Variants in CDK13 observed in about 807,000 individuals in gnomAD.
CDK13 encodes the protein cyclin dependent kinase 13.
In CDK13, 40 loss-of-function variants were observed where a neutral mutation model predicts 137.6. The observed-to-expected ratio is 0.29, with a 90% confidence interval of 0.23 to 0.38. CDK13 has a LOEUF of 0.38. CDK13 is among the 10% of genes least tolerant of loss of function. The pLI is 1.00. For synonymous variants in CDK13, 869 were observed against 760.1 expected (o/e 1.14, Z -2.36); for missense variants, 1,704 against 1,951.8 (o/e 0.87, Z 2.39).
intron 2 of CDK13, among the ~76,000 whole-genome samples, chr7:39,992,163 GGTGT>G (rs140203379): frequency 0.069 from 10,022 of 146,076 alleles, 579 homozygotes; most frequent in East Asian, 0.29. Flanking sequence ...AACTAATGAG[GGTGT>G]GTGTGTGTGT....
At chr7:39,977,519 G>A (rs1017887072) in intron 1 of CDK13, among the ~76,000 whole-genome samples, 14 of 152,308 alleles carry the variant, frequency 9.2e-5, no homozygotes, top group Middle Eastern at 3.4e-3. Flanking sequence ...GCTGACTGGC[G>A]TAATAAGAGA....
chr7:40,042,644 T>G (rs1785636476), intron 5 of CDK13, among the ~76,000 whole-genome samples: 1 of 143,772 alleles, frequency 7.0e-6, no homozygotes, highest in African/African-American at 2.9e-5. Context: ...CATCCAGCTG[T>G]TTTTTTTGTA....
At chr7:40,025,541 A>G (rs1446851231) in intron 5 of CDK13, among the ~76,000 whole-genome samples, 1 of 152,226 alleles carries the variant, frequency 6.6e-6, no homozygotes, top group Non-Finnish European at 1.5e-5. Context: ...GGTAGGATCT[A>G]TATTAATTCA....
At chr7:39,983,538 T>C (rs939423257) in intron 1 of CDK13, among the ~76,000 whole-genome samples, 2 of 152,236 alleles carry the variant, frequency 1.3e-5, no homozygotes, top group Non-Finnish European at 2.9e-5. Flanking sequence ...TTACCTATTA[T>C]CTTTGTATCT....
At chr7:40,085,650 A>G (rs1786772529) in intron 11 of CDK13, 1 of 152,588 alleles carries the variant, frequency 6.6e-6, no homozygotes, top group East Asian at 1.9e-4. Flanking sequence ...GATGCCTGAA[A>G]GCTTCCCAAT....
chr7:39,952,019 C>T (rs1325565480), intron 1 of CDK13, 167 bp downstream of exon 1: 23 of 601,856 alleles, frequency 3.8e-5, no homozygotes, highest in Non-Finnish European at 5.6e-5. Flanking sequence ...GCGCGTGACA[C>T]TTTTTTAGGG....
chr7:39,976,323 T>TCTCTCACACACACACACACACA lies in CDK13; in HGVS notation c.1212-11275_1212-11274insTCTCACACACACACACACACAC. 2.9e-3 allele frequency among the ~76,000 whole-genome samples: 116 copies of TCTCTCACACACACACACACACA among 39,526 alleles called. 2 individuals are homozygous for TCTCTCACACACACACACACACA. The highest frequency in any genetic ancestry group is 0.017 in the Middle Eastern group (1 of 60). 25.9% of individuals were successfully genotyped at this position (39,526 alleles called of 152,430 possible). On this transcript the variant is annotated intron_variant, in intron 1 of 13. Transcript: ENST00000181839. Reference sequence around the variant, plus strand: ...CTCTCTCTCTCTCTCTCTCTCTCTCTCACACACACACACACACACACACAC... The same window carrying TCTCTCACACACACACACACACA: ...CTCTCTCTCTCTCTCTCTCTCTCTCTCTCTCACACACACACACACACACACACACACACACACACACACACAC...
In CDK13 at chr7:40,094,428, C is replaced by T. The variant is rs138330468; in HGVS notation, c.3987C>T (p.Tyr1329=). ...TTGATTATCAAGCAGGAGACACTTA[C>T]GTGTCCACTTCAGACTACAAGGACA... ...GGIDYQAGDT[Y]VSTSDYKDNF... is the part of the protein sequence containing the mutation. Residue 1329 remains tyrosine (Y), a synonymous_variant, in exon 14 of 14, where the codon TAC becomes TAT. Coordinates refer to ENST00000181839, the MANE Select transcript of CDK13 (RefSeq NM_003718.5). The T allele has an allele frequency of 8.1e-6, 13 of 1,613,910 alleles. No individual in the cohort carries two copies. Among genetic ancestry groups the T allele is most frequent in the East Asian group, 4.5e-5 (2 of 44,854 alleles).
chr7:39,987,472 C>A (rs191318368), intron 1 of CDK13, 127 bp from the exon 2 acceptor site: 2 of 862,150 alleles, frequency 2.3e-6, no homozygotes, highest in Admixed American at 3.6e-5. Flanking sequence ...TTCAAAACTT[C>A]AAAAATGTAA....
At chr7:39,958,857 CT>C (rs911043136) in intron 1 of CDK13, among the ~76,000 whole-genome samples, 1 of 152,140 alleles carries the variant, frequency 6.6e-6, no homozygotes, top group African/African-American at 2.4e-5. Flanking sequence ...TTTCAGAAGG[CT>C]TTTACAAATT....
chr7:40,041,295 C>T (rs924108741), intron 5 of CDK13, among the ~76,000 whole-genome samples: 11 of 152,130 alleles, frequency 7.2e-5, no homozygotes, highest in Non-Finnish European at 1.5e-4. Flanking sequence ...CACTGCACTC[C>T]AGCCTGGGCA....
chr7:40,018,578 T>TA (rs1362148673), intron 5 of CDK13, among the ~76,000 whole-genome samples: 2 of 152,070 alleles, frequency 1.3e-5, no homozygotes, highest in Non-Finnish European at 2.9e-5. Flanking sequence ...TACTCAGCCA[T>TA]AAAAAAGAAT....
rs756220710 is a variant in CDK13 at position 40,073,594 on chromosome 7, CT to C, written c.2781-4399del. 4.1e-3 allele frequency: 555 copies of C among 134,440 alleles called. 1 individual carries two copies. Among genetic ancestry groups the C allele is most frequent in the African/African-American group, 0.01 (389 of 37,792 alleles). The allele number at this position is 134,440 out of a possible 1,614,324, so 8.3% of individuals were successfully genotyped here. On this transcript the variant is annotated intron_variant, in intron 9 of 13. Coordinates refer to ENST00000181839, the MANE Select transcript of CDK13 (RefSeq NM_003718.5). ...TCTTTCTTTTTCTTTTTCTTTCTTT[CT>C]TTTTTTTTTTTATTTGAGACAGAGC...
intron 11 of CDK13, among the ~76,000 whole-genome samples, chr7:40,079,612 C>T (rs916372370): frequency 2.6e-5 from 4 of 152,154 alleles, no homozygotes. Context: ...GAGGAGGAAG[C>T]AGGCTCAGAG....
chr7:40,049,235 GAAGGAAAGAGAGACAGAGAGAGAGA>G (rs1295877233), intron 7 of CDK13: 1 of 148,160 alleles, frequency 6.7e-6, no homozygotes, highest in Non-Finnish European at 1.5e-5. Flanking sequence ...AAGGAGGAAG[GAAGGAAAGAGAGACAGAGAGAGAGA>G]AAGGAAAGAA....
chr7:40,006,030 CTT>C (rs1033114888), intron 5 of CDK13, among the ~76,000 whole-genome samples: 1 of 152,192 alleles, frequency 6.6e-6, no homozygotes, highest in African/African-American at 2.4e-5. Context: ...CCTGAAGAAA[CTT>C]TTTCTAAACT....
intron 13 of CDK13, among the ~76,000 whole-genome samples, chr7:40,093,836 G>A (rs1490845204): frequency 1.3e-4 from 20 of 150,840 alleles, no homozygotes; most frequent in Admixed American, 1.3e-3. Flanking sequence ...AGCCCAGGAG[G>A]TCAAGGCTGC....
chr7:40,043,531 G>A (rs915586826), intron 5 of CDK13, among the ~76,000 whole-genome samples: 1 of 152,122 alleles, frequency 6.6e-6, no homozygotes, highest in Non-Finnish European at 1.5e-5. Flanking sequence ...TTAAAATACA[G>A]AGTTTTATAT....
intron 7 of CDK13, among the ~76,000 whole-genome samples, chr7:40,055,069 G>C (rs1359409906): frequency 6.6e-6 from 1 of 151,690 alleles, no homozygotes; most frequent in African/African-American, 2.4e-5. Context: ...CATTATTTTT[G>C]GGTCTTTACA....
Sources: allele counts gnomAD v4.1 joint callset (sites outside exome capture counted in the v4.1 genomes callset), GRCh38; gene constraint gnomAD v4.1.1; transcripts MANE v1.5; gene names NCBI Gene and HGNC (gene_info 2026-07-23, HGNC 2026-07-21).